ANKRD18A: variants seen among roughly 807,000 people sequenced by gnomAD.
ANKRD18A encodes ankyrin repeat domain 18A, also known as ankyrin repeat domain-containing protein 18A.
Under a neutral mutation model 110.6 loss-of-function variants are expected in ANKRD18A, and 72 were observed. The observed-to-expected ratio is 0.65, with a 90% CI of 0.54 to 0.79. ANKRD18A has a LOEUF of 0.79. Among genes scored for constraint, ANKRD18A ranks in the 30% least tolerant of loss-of-function variants. The pLI, the probability that ANKRD18A is intolerant of heterozygous loss-of-function variation, is 0.00. For missense variants in ANKRD18A, 934 were observed against 1,163.3 expected, an observed-to-expected ratio of 0.80 and a Z score of 2.87; for synonymous variants, 305 against 410.3, an observed-to-expected ratio of 0.74 and a Z score of 3.10.
intron 6 of ANKRD18A, among the ~76,000 whole-genome samples, chr9:38,603,439 T>A (rs1280718879): frequency 3.3e-5 from 5 of 152,126 alleles, no homozygotes; most frequent in Non-Finnish European, 7.3e-5. Flanking sequence ...CTATCCTCCA[T>A]CTATCCTCTA....
At chr9:38,590,326 C>T (rs190927860) in intron 10 of ANKRD18A, among the ~76,000 whole-genome samples, 92 of 151,740 alleles carry the variant, frequency 6.1e-4, no homozygotes, top group Non-Finnish European at 8.8e-4. Flanking sequence ...GGTGCCATGT[C>T]GGCTCACTGC....
rs763052714 is a variant in ANKRD18A, at chr9:38,577,077, T to C, written c.2717A>G (p.Asn906Ser). The change falls in exon 14 of 16, where the codon AAT becomes AGT. Residue 906 changes from asparagine (N) to serine (S), a missense_variant. By Grantham distance (46) the Asn-to-Ser change is conservative. Transcript: ENST00000399703. Reference protein sequence around the residue: ...EAFAGAVKANNSMSKKLMKSD... With the variant: ...EAFAGAVKANSSMSKKLMKSD... ...CTTCATTAATTTTTTTGACATGGAA[T>C]TGTTAGCTTTCACTGCTCCTGCAAA... 1.3e-6 allele frequency: 2 copies of C among 1,547,864 alleles called. No individual in the cohort carries two copies. Among genetic ancestry groups the C allele is most frequent in the Non-Finnish European group, 1.7e-6 (2 of 1,145,966 alleles).
chr9:38,612,521 C>CTTTT (rs767816627), intron 3 of ANKRD18A, among the ~76,000 whole-genome samples: 3,255 of 124,234 alleles, frequency 0.026, 141 homozygotes, highest in African/African-American at 0.088. Context: ...TTTTCTTTTT[C>CTTTT]TTTTTTTTTT....
At chr9:38,609,768 C>A (rs1825523687) in intron 5 of ANKRD18A, among the ~76,000 whole-genome samples, 1 of 151,848 alleles carries the variant, frequency 6.6e-6, no homozygotes, top group Admixed American at 6.6e-5. Context: ...AGGAGGAAGG[C>A]ATAGGAGGTA....
rs1563982475 is a variant in ANKRD18A, at chr9:38,620,313, C to T, written c.-28G>A. On this transcript the variant is annotated 5_prime_UTR_variant, in exon 1 of 16. Transcript: ENST00000399703. ...TGGCGACTTCTCAGACGCCCACCACCCGCTCCTGAGCCGCGGCGGCTCCTC... is the reference window on the plus strand; with the variant it reads ...TGGCGACTTCTCAGACGCCCACCACTCGCTCCTGAGCCGCGGCGGCTCCTC... 1.6e-5 allele frequency: 25 copies of T among 1,546,322 alleles called. No homozygotes were observed. Among genetic ancestry groups the T allele is most frequent in the Non-Finnish European group, 2.1e-5 (24 of 1,144,030 alleles).
chr9:38,569,147 A>G (rs1187964075), downstream of ANKRD18A: 2 of 985,344 alleles, frequency 2.0e-6, no homozygotes. Flanking sequence ...CTGGACCTGC[A>G]TCTTGGTTAT....
chr9:38,601,328 A>G, intron 7 of ANKRD18A, 124 bp from the exon 8 acceptor site: 2 of 985,782 alleles, frequency 2.0e-6, no homozygotes, highest in Non-Finnish European at 1.4e-6. Flanking sequence ...TGTTTACTGG[A>G]ATATTTACAT....
At chr9:38,616,112 A>G in intron 1 of ANKRD18A, 68 bp from the exon 2 acceptor site, 2 of 1,256,092 alleles carry the variant, frequency 1.6e-6, no homozygotes, top group South Asian at 3.4e-5. Context: ...GGTCCATGTC[A>G]TTGTAAACAT....
intron 12 of ANKRD18A, among the ~76,000 whole-genome samples, chr9:38,584,240 C>T (rs567831061): frequency 3.8e-4 from 58 of 152,268 alleles, no homozygotes; most frequent in African/African-American, 1.3e-3. Context: ...AACTAAGGAG[C>T]GAAAGCCCTG....
In ANKRD18A at chr9:38,607,476, A is replaced by T; in HGVS notation, c.758T>A (p.Leu253Ter). 6.7e-7 allele frequency: 1 copy of T among 1,502,364 alleles called. No individual in the cohort carries two copies. Among genetic ancestry groups the T allele is most frequent in the Non-Finnish European group, 8.9e-7 (1 of 1,122,160 alleles). The allele number at this position is 1,502,364 out of a possible 1,614,324, so 93.1% of individuals were successfully genotyped here. ...SDLRSIRQQI[L>*]EHKNKMLKNH... The stretch of plus-strand genomic sequence containing the variant: ...TTTAAGCATTTTATTTTTATGTTCC[A>T]AAATTTGTTGTCGGATGCTATGCAT... The change falls in exon 6 of 16, where the codon TTG (leucine) becomes TAG (stop). Residue 253 changes from leucine (L) to a stop codon, truncating the protein, a stop_gained. Coordinates refer to ENST00000399703, the MANE Select transcript of ANKRD18A (RefSeq NM_147195.4). LOFTEE classifies it high-confidence loss of function.
rs572939922 is a variant in ANKRD18A at position 38,577,981 on chromosome 9, A to T, written c.2415T>A (p.Leu805=). 64 of 1,571,902 alleles carry T rather than the reference A, an allele frequency of 4.1e-5. 1 individual carries two copies. The South Asian group carries it at 6.2e-4, about 15-fold the overall frequency. ...KKMLEEEVLN[L]KTHMEKDMVE... ...CCATATCTTTTTCCATATGTGTCTTAAGATTTAATACTTCTTCTTCCAACA... is the reference window on the plus strand; with the variant it reads ...CCATATCTTTTTCCATATGTGTCTTTAGATTTAATACTTCTTCTTCCAACA... The change falls in exon 13 of 16, where the codon CTT becomes CTA. Residue 805 remains leucine, a synonymous_variant. Coordinates refer to ENST00000399703, the MANE Select transcript of ANKRD18A (RefSeq NM_147195.4).
chr9:38,583,911 G>C (rs1824264844), intron 12 of ANKRD18A, among the ~76,000 whole-genome samples: 1 of 152,228 alleles, frequency 6.6e-6, no homozygotes, highest in Non-Finnish European at 1.5e-5. Context: ...GTCTACACCA[G>C]ATAAAACGTC....
At chr9:38,576,348 C>T (rs891528006) in intron 14 of ANKRD18A, among the ~76,000 whole-genome samples, 8 of 152,302 alleles carry the variant, frequency 5.3e-5, no homozygotes, top group African/African-American at 1.9e-4. Context: ...AGAACTAAAG[C>T]ATCTCTGAAG....
chr9:38,568,708 G>A (rs1823538684), downstream of ANKRD18A: 1 of 983,466 alleles, frequency 1.0e-6, no homozygotes, highest in Non-Finnish European at 1.2e-6. Flanking sequence ...CCTGCTCTGA[G>A]TGAGCTTGTC....
Position 38,620,311 on chromosome 9 carries a change from A to C in ANKRD18A, c.-26T>G. 1 of 1,544,776 alleles carries C rather than the reference A, an allele frequency of 6.5e-7. No homozygotes were observed. Among genetic ancestry groups the C allele is most frequent in the Non-Finnish European group, 8.7e-7 (1 of 1,143,666 alleles). ...GGTGGCGACTTCTCAGACGCCCACC[A>C]CCCGCTCCTGAGCCGCGGCGGCTCC... On this transcript the variant is annotated 5_prime_UTR_variant, in exon 1 of 16. Transcript: ENST00000399703.
At position 38,577,905 on chromosome 9, in the gene ANKRD18A, C is replaced by T; in HGVS notation, c.2491G>A (p.Val831Met). 3 of 1,597,824 alleles carry T rather than the reference C, an allele frequency of 1.9e-6. No homozygotes were observed. The highest frequency in any genetic ancestry group is 2.6e-6 in the Non-Finnish European group (3 of 1,172,836). Reference protein sequence around the residue: ...EYKSELDERAVQEIEKLEEIH... With the variant: ...EYKSELDERAMQEIEKLEEIH... ...TCTTCTAATTTTTCTATTTCCTGCACTGCCCTTTCATCCAGCTCCGATTTA... is the reference window on the plus strand; with the variant it reads ...TCTTCTAATTTTTCTATTTCCTGCATTGCCCTTTCATCCAGCTCCGATTTA... The change falls in exon 13 of 16, where the codon GTG becomes ATG. Residue 831 changes from valine to methionine, a missense_variant. Around this residue, in one of 4 missense-constraint regions of ANKRD18A, gnomAD observed 223 missense variants for 226.7 expected, o/e 0.98. Transcript: ENST00000399703.
intron 8 of ANKRD18A, among the ~76,000 whole-genome samples, chr9:38,599,643 T>C (rs1349039216): frequency 6.6e-6 from 1 of 152,082 alleles, no homozygotes; most frequent in East Asian, 1.9e-4. Context: ...TTTGTATTTT[T>C]AGTAGAGACG....
intron 12 of ANKRD18A, among the ~76,000 whole-genome samples, chr9:38,580,952 G>T (rs981605945): frequency 1.2e-4 from 18 of 152,144 alleles, no homozygotes; most frequent in Non-Finnish European, 1.5e-5. Context: ...GCCTGCCCCA[G>T]CCGAGGTTCC....
intron 15 of ANKRD18A, chr9:38,573,083 CT>C: frequency 7.1e-7 from 1 of 1,416,864 alleles, no homozygotes; most frequent in Non-Finnish European, 9.4e-7. Flanking sequence ...TGGCAACATA[CT>C]TTTCTTTGTT....
Sources: allele counts gnomAD v4.1 joint callset (sites outside exome capture counted in the v4.1 genomes callset), GRCh38; gene constraint gnomAD v4.1.1; regional missense constraint gnomAD v4.1.1; transcripts MANE v1.5; gene names NCBI Gene and HGNC (gene_info 2026-07-23, HGNC 2026-07-21).